The following LEPR variants were observed in gnomAD, a reference collection of about 807,000 sequenced individuals.
LEPR encodes leptin receptor.
In LEPR, 56 loss-of-function variants were observed where a neutral mutation model predicts 114.7. That is an observed-to-expected ratio of 0.49 (90% CI 0.39 to 0.61). The LOEUF (loss-of-function observed/expected upper bound fraction) is 0.61. LEPR is among the 20% of genes least tolerant of loss of function. LEPR has a pLI of 0.00. For synonymous variants in LEPR, 443 were observed against 461.4 expected, an observed-to-expected ratio of 0.96 and a Z score of 0.51; for missense variants, 1,202 against 1,352.9, an observed-to-expected ratio of 0.89 and a Z score of 1.75.
intron 2 of LEPR, among the ~76,000 whole-genome samples, chr1:65,470,697 A>G (rs1414489386): frequency 1.3e-5 from 2 of 152,202 alleles, no homozygotes; most frequent in Admixed American, 6.5e-5. Flanking sequence ...TCTTTTATCT[A>G]TATGTAACAG....
intron 2 of LEPR, among the ~76,000 whole-genome samples, chr1:65,468,290 A>C (rs1363377553): frequency 1.3e-5 from 2 of 152,104 alleles, no homozygotes; most frequent in African/African-American, 4.8e-5. Flanking sequence ...TTTGGTTAGG[A>C]AACTCTGAAC....
In LEPR at chr1:65,640,391, GTTACC is replaced by G. The variant is rs1275424317; in HGVS notation, c.*3380_*3384del. On this transcript the variant is annotated 3_prime_UTR_variant, in exon 20 of 20. Transcript: ENST00000349533. ...TCATCTTTCAAGGGTCATCTTGATA[GTTACC>G]TTAACAAACCTTTCTCAGCTATTTA... 6.6e-6 allele frequency: 1 copy of G among 152,114 alleles called. No homozygotes were observed. The highest frequency in any genetic ancestry group is 1.5e-5 in the Non-Finnish European group (1 of 68,000). 9.4% of individuals were successfully genotyped at this position (152,114 alleles called of 1,614,324 possible). A position where few individuals can be genotyped will look rare whatever the true frequency, so the allele number is the denominator to read the frequency against.
chr1:65,619,531 T>G (rs1483347072), intron 16 of LEPR, among the ~76,000 whole-genome samples: 1 of 152,136 alleles, frequency 6.6e-6, no homozygotes, highest in Non-Finnish European at 1.5e-5. Flanking sequence ...CTAAGTAAGC[T>G]GAATTCCTAT....
chr1:65,515,539 C>T (rs560669503), intron 2 of LEPR, among the ~76,000 whole-genome samples: 39 of 152,148 alleles, frequency 2.6e-4, no homozygotes, highest in Admixed American at 2.0e-3. Flanking sequence ...CCAAGAATAC[C>T]TTCTTAGAAC....
chr1:65,519,109 CTCCTTCCTTCCTTCCTTCCT>C (rs202044069), intron 2 of LEPR, among the ~76,000 whole-genome samples: 4 of 109,676 alleles, frequency 3.6e-5, no homozygotes, highest in Admixed American at 1.0e-4. Flanking sequence ...GTGTCTCTCT[CTCCTTCCTTCCTTCCTTCCT>C]TCCTTCCTTC....
intron 2 of LEPR, among the ~76,000 whole-genome samples, chr1:65,531,804 C>T (rs1234363930): frequency 6.6e-6 from 1 of 152,058 alleles, no homozygotes; most frequent in Non-Finnish European, 1.5e-5. Context: ...TCCTTCCTGC[C>T]TTCCTCCCTT....
chr1:65,541,152 A>G (rs1651167219), intron 2 of LEPR, among the ~76,000 whole-genome samples: 3 of 152,262 alleles, frequency 2.0e-5, no homozygotes, highest in African/African-American at 7.2e-5. Context: ...CTGAAGTCCC[A>G]CTGGTATTAT....
At chr1:65,528,427 A>T (rs1485966234) in intron 2 of LEPR, among the ~76,000 whole-genome samples, 1 of 152,142 alleles carries the variant, frequency 6.6e-6, no homozygotes, top group African/African-American at 2.4e-5. Flanking sequence ...TATAGTTTGG[A>T]ATATTCCTTC....
intron 2 of LEPR, among the ~76,000 whole-genome samples, chr1:65,503,462 G>A (rs1469742236): frequency 2.0e-5 from 3 of 151,794 alleles, no homozygotes. Context: ...AGCAGAGATT[G>A]TAAGACTAAA....
intron 2 of LEPR, 105 bp from the exon 3 acceptor site, chr1:65,565,441 A>G (rs1653667358): frequency 9.2e-7 from 1 of 1,090,212 alleles, no homozygotes; most frequent in Non-Finnish European, 1.4e-6. Flanking sequence ...ATGTAAATTT[A>G]GAGACTTATC....
chr1:65,454,266 C>T (rs780070974), intron 2 of LEPR, among the ~76,000 whole-genome samples: 1 of 152,086 alleles, frequency 6.6e-6, no homozygotes, highest in Non-Finnish European at 1.5e-5. Context: ...TTAATTGGAA[C>T]GTTTAGTCCA....
chr1:65,484,972 A>T (rs1647412251), intron 2 of LEPR, among the ~76,000 whole-genome samples: 1 of 152,232 alleles, frequency 6.6e-6, no homozygotes, highest in African/African-American at 2.4e-5. Flanking sequence ...TATCTTTCAG[A>T]CAACTAAATT....
chr1:65,613,477 G>A (rs955972907), intron 14 of LEPR, among the ~76,000 whole-genome samples: 1 of 97,634 alleles, frequency 1.0e-5, no homozygotes, highest in African/African-American at 3.4e-5. Context: ...ACAGGGGCCG[G>A]GCGCGGTGGC....
intron 2 of LEPR, among the ~76,000 whole-genome samples, chr1:65,449,694 T>A (rs1290262797): frequency 6.6e-6 from 1 of 152,054 alleles, no homozygotes; most frequent in Non-Finnish European, 1.5e-5. Context: ...CTTTTTTTTT[T>A]TTTTAAATAG....
chr1:65,606,541 T>C (rs910383828), intron 11 of LEPR, among the ~76,000 whole-genome samples: 1 of 152,202 alleles, frequency 6.6e-6, no homozygotes, highest in African/African-American at 2.4e-5. Flanking sequence ...GTGTCTGTTT[T>C]GTCATCCATA....
intron 2 of LEPR, among the ~76,000 whole-genome samples, chr1:65,441,056 A>G (rs761332738): frequency 6.6e-6 from 1 of 152,238 alleles, no homozygotes; most frequent in Non-Finnish European, 1.5e-5. Flanking sequence ...TTGGTCCCTA[A>G]TTAATCATTC....
rs776631087 is a variant in LEPR at position 65,640,317 on chromosome 1, C to A, written c.*3302C>A. ...CACTTAGATGTGGATGAAAAAAGAT[C>A]TCTTGCTAAATTATTTTCTGTGACC... On this transcript the variant is annotated 3_prime_UTR_variant, in exon 20 of 20. Transcript: ENST00000349533. The A allele has an allele frequency of 6.6e-6, 1 of 152,170 alleles. No individual in the cohort carries two copies. The highest frequency in any genetic ancestry group is 1.5e-5 in the Non-Finnish European group (1 of 68,018). The allele number at this position is 152,170 out of a possible 1,614,324, so 9.4% of individuals were successfully genotyped here. A position where few individuals can be genotyped will look rare whatever the true frequency, so the allele number is the denominator to read the frequency against.
At chr1:65,435,722 A>G in intron 2 of LEPR, 1 of 985,314 alleles carries the variant, frequency 1.0e-6, no homozygotes, top group Non-Finnish European at 1.2e-6. Flanking sequence ...ATAGAACCAA[A>G]ATATTTATGA....
chr1:65,463,927 G>A (rs956811952), intron 2 of LEPR, among the ~76,000 whole-genome samples: 11 of 152,204 alleles, frequency 7.2e-5, no homozygotes, highest in Admixed American at 7.2e-4. Flanking sequence ...ATTTTGGGCT[G>A]AGATGATGGG....
Sources: allele counts gnomAD v4.1 joint callset (sites outside exome capture counted in the v4.1 genomes callset), GRCh38; gene constraint gnomAD v4.1.1; transcripts MANE v1.5; gene names NCBI Gene and HGNC (gene_info 2026-07-23, HGNC 2026-07-21).